The following PCCA variants were observed in gnomAD, a reference collection of about 807,000 sequenced individuals.
The protein encoded by PCCA is propionyl-CoA carboxylase alpha chain, mitochondrial.
Under a neutral mutation model 101.3 loss-of-function variants are expected in PCCA, and 74 were observed. The ratio of observed to expected loss-of-function variants is 0.73; its 90% confidence interval spans 0.61 to 0.89. The LOEUF (loss-of-function observed/expected upper bound fraction) is 0.89, where lower values mean the gene tolerates loss of function less well. Ranked by LOEUF, PCCA falls within the 40% of genes least tolerant of loss-of-function variation. The pLI is 0.00. For missense variants in PCCA, 891 were observed against 907.0 expected (o/e 0.98, Z 0.23); for synonymous variants, 294 against 313.6 (o/e 0.94, Z 0.66).
At chr13:100,266,362 A>G (rs1419597486) in intron 10 of PCCA, among the ~76,000 whole-genome samples, 1 of 152,208 alleles carries the variant, frequency 6.6e-6, no homozygotes, top group Non-Finnish European at 1.5e-5. Flanking sequence ...TAGCCATGGC[A>G]TACAGCCTGG....
intron 12 of PCCA, among the ~76,000 whole-genome samples, chr13:100,289,518 A>G (rs2064967114): frequency 6.6e-6 from 1 of 151,836 alleles, no homozygotes; most frequent in Admixed American, 6.6e-5. Flanking sequence ...TTCCCATTTT[A>G]AATACTTGAT....
At chr13:100,406,510 G>A (rs1306959599) in intron 19 of PCCA, among the ~76,000 whole-genome samples, 1 of 152,170 alleles carries the variant, frequency 6.6e-6, no homozygotes, top group East Asian at 1.9e-4. Flanking sequence ...TTCGAGACCA[G>A]CCTGACCAAC....
At chr13:100,264,412 C>T (rs975863448) in intron 10 of PCCA, among the ~76,000 whole-genome samples, 1 of 152,132 alleles carries the variant, frequency 6.6e-6, no homozygotes. Flanking sequence ...TAGTCAGTCC[C>T]TACCTGTGGC....
At chr13:100,309,741 G>C (rs1566911395) in intron 15 of PCCA, 92 bp from the exon 16 acceptor site, 1 of 818,882 alleles carries the variant, frequency 1.2e-6, no homozygotes, top group African/African-American at 1.7e-5. Flanking sequence ...TTAGAAATCT[G>C]TTATGAAATA....
chr13:100,374,806 C>T (rs2075799471), intron 19 of PCCA, among the ~76,000 whole-genome samples: 1 of 152,102 alleles, frequency 6.6e-6, no homozygotes, highest in Non-Finnish European at 1.5e-5. Context: ...TGAATTGTTA[C>T]AGTGGGCCAA....
chr13:100,294,948 T>G (rs1405176972), intron 12 of PCCA, among the ~76,000 whole-genome samples: 1 of 152,160 alleles, frequency 6.6e-6, no homozygotes, highest in African/African-American at 2.4e-5. Context: ...ACTCTTTTTT[T>G]TGTTTTTTTC....
intron 19 of PCCA, among the ~76,000 whole-genome samples, chr13:100,422,910 G>C (rs2078921327): frequency 6.7e-6 from 1 of 149,810 alleles, no homozygotes; most frequent in African/African-American, 2.5e-5. Flanking sequence ...TCCTATGGTT[G>C]CCTTTGAGAC....
At chr13:100,178,093 T>C (rs1275879302) in intron 6 of PCCA, among the ~76,000 whole-genome samples, 1 of 152,212 alleles carries the variant, frequency 6.6e-6, no homozygotes, top group Non-Finnish European at 1.5e-5. Context: ...TGCTCTCCAC[T>C]TATGAATATG....
At chr13:100,296,601 G>A (rs368999413) in intron 12 of PCCA, among the ~76,000 whole-genome samples, 1 of 152,006 alleles carries the variant, frequency 6.6e-6, no homozygotes, top group Admixed American at 6.6e-5. Flanking sequence ...TCACAGAAAA[G>A]TTGTAAAAAT....
At position 100,228,899 on chromosome 13, in the gene PCCA, C is replaced by CAA. The variant is rs36067066; in HGVS notation, c.601-6926_601-6925dup. Among the ~76,000 whole-genome samples, 261 of 83,458 alleles carry CAA rather than the reference C, an allele frequency of 3.1e-3. 3 individuals carry two copies. The highest frequency in any genetic ancestry group is 9.1e-3 in the African/African-American group (224 of 24,704). 54.8% of individuals were successfully genotyped at this position (83,458 alleles called of 152,430 possible). ...TGGGTAACACAGTGAGACTCTTTCT[C>CAA]AAAAAAAAAAAAAAAAAAGCACAAA... On this transcript the variant is annotated intron_variant, in intron 7 of 23. Coordinates refer to ENST00000376285, the MANE Select transcript of PCCA (RefSeq NM_000282.4).
chr13:100,302,996 G>A lies in PCCA; in HGVS notation c.1282G>A (p.Gly428Ser). Residue 428 changes from glycine (G) to serine (S), a missense_variant and splice_region_variant, in exon 14 of 24, where the codon GGT becomes AGT. Transcript: ENST00000376285. The part of the protein sequence containing the change: ...SQYQEPLHLP[G>S]VRVDSGIQPG... ...GTACCAAGAACCGTTACATCTACCT[G>A]GTGTAAGTCATTAAGCTGTAATACC... 1.3e-6 allele frequency: 2 copies of A among 1,559,202 alleles called. No homozygotes were observed. The highest frequency in any genetic ancestry group is 1.8e-6 in the Non-Finnish European group (2 of 1,130,216).
chr13:100,242,762 G>A (rs529779018), intron 8 of PCCA, among the ~76,000 whole-genome samples: 26 of 152,262 alleles, frequency 1.7e-4, no homozygotes, highest in African/African-American at 6.3e-4. Context: ...TTCCCCGCAT[G>A]TACTGATTTA....
At chr13:100,333,665 T>C (rs1371591369) in intron 17 of PCCA, among the ~76,000 whole-genome samples, 2 of 152,222 alleles carry the variant, frequency 1.3e-5, no homozygotes, top group African/African-American at 4.8e-5. Flanking sequence ...TCATTTGGCC[T>C]ATAATGAACA....
chr13:100,519,628 C>T (rs2153000996), intron 22 of PCCA, among the ~76,000 whole-genome samples: 1 of 152,376 alleles, frequency 6.6e-6, no homozygotes, highest in South Asian at 2.1e-4. Context: ...CACAGGCACC[C>T]CATCCCATCT....
At chr13:100,170,961 C>A (rs562475812) in intron 6 of PCCA, among the ~76,000 whole-genome samples, 62 of 152,112 alleles carry the variant, frequency 4.1e-4, no homozygotes, top group Non-Finnish European at 8.2e-4. Flanking sequence ...CTCTTGAGAC[C>A]CTTTCAGACA....
intron 16 of PCCA, among the ~76,000 whole-genome samples, chr13:100,325,718 C>CGGCTG (rs923081813): frequency 2.7e-4 from 41 of 152,082 alleles, no homozygotes; most frequent in African/African-American, 9.9e-4. Context: ...TGATAAGCAC[C>CGGCTG]GGCTGCCAGT....
At chr13:100,464,898 T>C (rs1424840895) in intron 21 of PCCA, among the ~76,000 whole-genome samples, 1 of 152,214 alleles carries the variant, frequency 6.6e-6, no homozygotes, top group East Asian at 1.9e-4. Context: ...GCCTATGAGA[T>C]GTTCTTTCTT....
intron 6 of PCCA, among the ~76,000 whole-genome samples, chr13:100,178,849 G>A (rs1392320381): frequency 6.6e-6 from 1 of 151,660 alleles, no homozygotes; most frequent in Non-Finnish European, 1.5e-5. Context: ...AGGCTGAGGC[G>A]GGCGGATCAC....
chr13:100,169,416 G>A (rs1326825657), intron 6 of PCCA, among the ~76,000 whole-genome samples: 1 of 141,854 alleles, frequency 7.0e-6, no homozygotes, highest in African/African-American at 2.6e-5. Context: ...ACTCCAGCCT[G>A]GGCGACAGAG....
Sources: gnomAD v4.1 joint callset for allele counts (sites outside exome capture counted in the v4.1 genomes callset) on GRCh38, gnomAD v4.1.1 for gene constraint, MANE v1.5 for transcripts, NCBI Gene and HGNC (gene_info 2026-07-23, HGNC 2026-07-21) for gene names.